PIK3CD: variants seen among roughly 807,000 people sequenced by gnomAD.
PIK3CD encodes the protein phosphatidylinositol 4,5-bisphosphate 3-kinase catalytic subunit delta isoform.
A neutral mutation model predicts 122.9 loss-of-function variants in PIK3CD; 20 were observed. That is an observed-to-expected ratio of 0.16 (90% confidence interval 0.11 to 0.24). PIK3CD has a LOEUF of 0.24. PIK3CD is among the 10% of genes least tolerant of loss of function. The pLI is 1.00. For synonymous variants in PIK3CD, 596 were observed against 593.4 expected, an observed-to-expected ratio of 1.00 and a Z score of -0.06; for missense variants, 787 against 1,406.3, an observed-to-expected ratio of 0.56 and a Z score of 7.04.
Position 9,652,519 on chromosome 1 carries a change from G to T in PIK3CD, c.-138+717G>T, listed in dbSNP as rs923663745. ...CAGGCGAGATCAGCTCCGGATCTGC[G>T]GCCGAGCCGGGGTTACGCCGGCAAA... On this transcript the variant is annotated intron_variant, in intron 1 of 23. Transcript: ENST00000377346. The surrounding 1 kb of genome is among the most constrained non-coding windows in gnomAD (Gnocchi z 6.2). 2.0e-5 allele frequency: 3 copies of T among 152,258 alleles called. No homozygotes were observed. The highest frequency in any genetic ancestry group is 4.4e-5 in the Non-Finnish European group (3 of 68,048). The allele number at this position is 152,258 out of a possible 1,614,324, so 9.4% of individuals were successfully genotyped here.
chr1:9,692,181 G>T (rs963671798), intron 2 of PIK3CD, among the ~76,000 whole-genome samples: 3 of 152,200 alleles, frequency 2.0e-5, no homozygotes, highest in Non-Finnish European at 1.5e-5. Context: ...GCCTGGAATA[G>T]CTGGGTCTGG....
At chr1:9,641,576 C>A in the PIK3CD span, among the ~76,000 whole-genome samples, 19 of 137,934 alleles carry the variant, frequency 1.4e-4, no homozygotes, top group East Asian at 9.7e-4. Flanking sequence ...TCTAGCTGGA[C>A]CCAGAAACAC....
intron 1 of PIK3CD, among the ~76,000 whole-genome samples, chr1:9,661,355 C>T (rs955334083): frequency 2.8e-4 from 42 of 151,530 alleles, no homozygotes; most frequent in Admixed American, 1.3e-3. Context: ...GCTGGGATTA[C>T]AGGCCTGAGC....
chr1:9,709,703 CAAA>C (rs943251692), intron 2 of PIK3CD, among the ~76,000 whole-genome samples: 1 of 144,170 alleles, frequency 6.9e-6, no homozygotes, highest in Non-Finnish European at 1.5e-5. Context: ...GACCCTGTTT[CAAA>C]AAAAAAAATC....
chr1:9,672,229 A>G (rs1645351657), intron 1 of PIK3CD, among the ~76,000 whole-genome samples: 1 of 152,090 alleles, frequency 6.6e-6, no homozygotes, highest in South Asian at 2.1e-4. Context: ...ATTCCATGAT[A>G]TATCCATGTT....
chr1:9,676,426 C>T (rs1645540416), intron 1 of PIK3CD, among the ~76,000 whole-genome samples: 1 of 152,244 alleles, frequency 6.6e-6, no homozygotes, highest in Non-Finnish European at 1.5e-5. Context: ...TGATCCTCTA[C>T]AGCAAGAGTG....
At chr1:9,660,414 G>A (rs1644977083) in intron 1 of PIK3CD, among the ~76,000 whole-genome samples, 1 of 152,130 alleles carries the variant, frequency 6.6e-6, no homozygotes, top group South Asian at 2.1e-4. Flanking sequence ...CTAGGCATGT[G>A]CTTTTGTAGT....
rs1004233476 is a variant in PIK3CD at position 9,720,260 on chromosome 1, C to T, written c.1470+18C>T. ...TGGAGAAGGTCAGTGGGGGCCCCGC[C>T]GCGTGAGGCTGAGGGGCTGGCGCGG... On this transcript the variant is annotated intron_variant, in intron 11 of 23. Transcript: ENST00000377346. The surrounding 1 kb of genome is among the most constrained non-coding windows in gnomAD (Gnocchi z 9.0). The T allele has an allele frequency of 6.9e-6, 11 of 1,597,430 alleles. No individual in the cohort carries two copies. Among genetic ancestry groups the T allele is most frequent in the African/African-American group, 5.4e-5 (4 of 74,648 alleles).
At chr1:9,670,475 T>G (rs1317461143) in intron 1 of PIK3CD, among the ~76,000 whole-genome samples, 1 of 152,172 alleles carries the variant, frequency 6.6e-6, no homozygotes, top group East Asian at 1.9e-4. Context: ...AGCTTCAGAT[T>G]AGCATTAAAA....
chr1:9,683,721 C>A (rs1055397665), intron 1 of PIK3CD, among the ~76,000 whole-genome samples: 1 of 152,172 alleles, frequency 6.6e-6, no homozygotes, highest in Non-Finnish European at 1.5e-5. Flanking sequence ...TATAAAGCAA[C>A]ACTGTGATGC....
At chr1:9,675,157 G>A (rs187903077) in intron 1 of PIK3CD, among the ~76,000 whole-genome samples, 4 of 151,674 alleles carry the variant, frequency 2.6e-5, no homozygotes, top group Admixed American at 1.3e-4. Context: ...AGGCCGAGGC[G>A]GGCGGATCAC....
At chr1:9,726,318 C>T (rs982850736) in intron 23 of PIK3CD, among the ~76,000 whole-genome samples, 6 of 152,030 alleles carry the variant, frequency 3.9e-5, no homozygotes, top group African/African-American at 1.4e-4. Context: ...ACCATCCTGG[C>T]TAACACGGTG....
intron 1 of PIK3CD, among the ~76,000 whole-genome samples, chr1:9,675,037 A>AG (rs70979773): frequency 7.3e-6 from 1 of 136,558 alleles, no homozygotes; most frequent in Non-Finnish European, 1.5e-5. Context: ...AAAAAAAAAA[A>AG]GAGAGAGAGA....
At chr1:9,656,814 G>A (rs1420773188) in intron 1 of PIK3CD, among the ~76,000 whole-genome samples, 3 of 151,930 alleles carry the variant, frequency 2.0e-5, no homozygotes, top group Admixed American at 6.6e-5. Flanking sequence ...GTGGTGGCAC[G>A]TGCCTGTAGT....
At chr1:9,660,813 T>C (rs999182299) in intron 1 of PIK3CD, 5 of 152,236 alleles carry the variant, frequency 3.3e-5, no homozygotes, top group African/African-American at 1.2e-4. Context: ...GGAACATTTG[T>C]ATATAAAATG....
intron 5 of PIK3CD, 137 bp from the exon 6 acceptor site, chr1:9,716,303 C>A: frequency 2.2e-6 from 2 of 921,548 alleles, no homozygotes; most frequent in Non-Finnish European, 3.4e-6. Flanking sequence ...TTTGTTCATT[C>A]TTTGAACAAA....
chr1:9,650,990 GT>G (rs1265914573), upstream of PIK3CD, among the ~76,000 whole-genome samples: 5 of 152,226 alleles, frequency 3.3e-5, no homozygotes, highest in East Asian at 9.7e-4. Flanking sequence ...ACTACAAGGT[GT>G]GCACCACCAC....
At chr1:9,664,011 CCCT>C (rs1309238911) in intron 1 of PIK3CD, among the ~76,000 whole-genome samples, 3 of 151,532 alleles carry the variant, frequency 2.0e-5, no homozygotes, top group African/African-American at 7.3e-5. Context: ...TTCAATGCAC[CCCT>C]CGTTTTCTTT....
Position 9,727,515 on chromosome 1 carries a change from C to G in PIK3CD, c.*469C>G, listed in dbSNP as rs902285981. On this transcript the variant is annotated 3_prime_UTR_variant, in exon 24 of 24. Transcript: ENST00000377346. ...GAGTTCTGGCAGCTCCCCGAGGCAGCCGGGGTACCCTCTAGATTCAGGGAT... is the reference window on the plus strand; with the variant it reads ...GAGTTCTGGCAGCTCCCCGAGGCAGGCGGGGTACCCTCTAGATTCAGGGAT... The G allele has an allele frequency of 3.8e-6, 1 of 260,890 alleles. No homozygotes were observed. Among genetic ancestry groups the G allele is most frequent in the Non-Finnish European group, 7.6e-6 (1 of 132,126 alleles). The allele number at this position is 260,890 out of a possible 1,614,324, so 16.2% of individuals were successfully genotyped here.
Sources: gnomAD v4.1 joint callset for allele counts (sites outside exome capture counted in the v4.1 genomes callset) on GRCh38, gnomAD v4.1.1 for gene constraint, Gnocchi (gnomAD v3.1) non-coding constraint, MANE v1.5 for transcripts, NCBI Gene and HGNC (gene_info 2026-07-23, HGNC 2026-07-21) for gene names.